ZNF550: variants seen among roughly 807,000 people sequenced by gnomAD.
ZNF550 encodes zinc finger protein 550.
A neutral mutation model predicts 40.2 loss-of-function variants in ZNF550; 42 were observed. The observed-to-expected ratio is 1.05, with a 90% CI of 0.82 to 1.35. The LOEUF (loss-of-function observed/expected upper bound fraction) is 1.35. Ranked by LOEUF, ZNF550 falls within the 40% of genes most tolerant of loss-of-function variation. ZNF550 has a pLI of 0.00. For missense variants in ZNF550, 549 were observed against 525.2 expected (o/e 1.05, Z -0.44); for synonymous variants, 223 against 198.6 (o/e 1.12, Z -1.03).
Position 57,554,394 on chromosome 19 carries a change from C to T in ZNF550, c.155-1672G>A, listed in dbSNP as rs1202492036. ...GCCTGAGGACAATCAGAAGCCTGAA[C>T]CAAGAAGAAGGAACAGAGAACCAAG... On this transcript the variant is annotated intron_variant, in intron 2 of 4. Transcript: ENST00000457177. The surrounding 1 kb of genome is among the most constrained non-coding windows in gnomAD (Gnocchi z 4.5). 1 of 152,252 alleles carries T rather than the reference C, an allele frequency of 6.6e-6. No homozygotes were observed. The highest frequency in any genetic ancestry group is 1.5e-5 in the Non-Finnish European group (1 of 68,088). The allele number at this position is 152,252 out of a possible 1,614,324, so 9.4% of individuals were successfully genotyped here.
Position 57,554,335 on chromosome 19 carries a change from A to G in ZNF550, c.155-1613T>C, listed in dbSNP as rs1226231749. 6.6e-6 allele frequency: 1 copy of G among 152,238 alleles called. No individual in the cohort carries two copies. Among genetic ancestry groups the G allele is most frequent in the Non-Finnish European group, 1.5e-5 (1 of 68,062 alleles). 9.4% of individuals were successfully genotyped at this position (152,238 alleles called of 1,614,324 possible). ...ACATGGGGGCCTGCTGCCCCAGTCA[A>G]GGCTGCAGCACCCAGCATCCCTATG... is the stretch of plus-strand genomic sequence containing the variant. On this transcript the variant is annotated intron_variant, in intron 2 of 4. Transcript: ENST00000457177. This position sits in a 1 kb window ranked among gnomAD's most constrained non-coding sequence, Gnocchi z 4.5.
chr19:57,548,468 T>G (rs1220050577), intron 3 of ZNF550, among the ~76,000 whole-genome samples: 1 of 152,200 alleles, frequency 6.6e-6, no homozygotes, highest in Admixed American at 6.5e-5. Context: ...AACAGGTATA[T>G]GAAAAACTGC....
exon 4 of ZNF550, chr19:57,547,385 A>C (rs1568596970): frequency 1.2e-6 from 2 of 1,610,530 alleles, no homozygotes; most frequent in Non-Finnish European, 1.7e-6. Context: ...CTACACTCAT[A>C]GGGTTTCTCT....
At chr19:57,557,400 C>T (rs897230354) in intron 1 of ZNF550, 6 of 152,022 alleles carry the variant, frequency 3.9e-5, no homozygotes, top group African/African-American at 1.5e-4. Context: ...CAGCACCTTT[C>T]CTTAAACTTA....
At chr19:57,547,414 T>C (rs1312823602) in exon 4 of ZNF550, 2 of 1,613,830 alleles carry the variant, frequency 1.2e-6, no homozygotes. Context: ...GATTGGATGG[T>C]GCTGCATGAG....
chr19:57,543,753 T>A, intron 4 of ZNF550: 1 of 446,452 alleles, frequency 2.2e-6, no homozygotes, highest in Non-Finnish European at 3.0e-6. Context: ...CTGGCCAACA[T>A]GGTGAAACCC....
exon 4 of ZNF550, chr19:57,547,016 G>A (rs751029825): frequency 2.0e-5 from 33 of 1,613,352 alleles, no homozygotes; most frequent in Admixed American, 3.3e-5. Flanking sequence ...TGTGACCTGC[G>A]TTTGAAGGCC....
In ZNF550 at chr19:57,556,554, G is replaced by A. The variant is rs940247503; in HGVS notation, c.28-197C>T. The A allele has an allele frequency of 1.8e-5, 10 of 554,284 alleles. No homozygotes were observed. In the Admixed American group the frequency reaches 3.1e-4, roughly 17 times the overall value. 34.3% of individuals were successfully genotyped at this position (554,284 alleles called of 1,614,324 possible). ...CAATGCAATTGTGCCTGAGAGAAAA[G>A]CCTTCTATGGGGAAGCTGTTGAAGA... On this transcript the variant is annotated intron_variant, in intron 1 of 4. Transcript: ENST00000457177.
chr19:57,559,271 G>A (rs548025814), intron 1 of ZNF550, among the ~76,000 whole-genome samples: 2 of 152,286 alleles, frequency 1.3e-5, no homozygotes, highest in African/African-American at 2.4e-5. Flanking sequence ...CCCCGGGGGG[G>A]GGAAGAGTAA....
intron 1 of ZNF550, chr19:57,556,862 CAT>C (rs1332620512): frequency 6.1e-6 from 1 of 164,106 alleles, no homozygotes; most frequent in Non-Finnish European, 1.3e-5. Flanking sequence ...CTCACAGAAA[CAT>C]GTGCTGTATT....
chr19:57,542,285 A>G (rs2089966773), exon 5 of ZNF550: 1 of 149,732 alleles, frequency 6.7e-6, no homozygotes, highest in Admixed American at 6.7e-5. Flanking sequence ...GGCAATGTAT[A>G]ACATAATTCC....
At chr19:57,542,011 A>G (rs1025429394) in exon 5 of ZNF550, 1 of 152,090 alleles carries the variant, frequency 6.6e-6, no homozygotes, top group African/African-American at 2.4e-5. Flanking sequence ...AAAGTACCCC[A>G]CCATAAACAA....
intron 4 of ZNF550, chr19:57,544,272 C>G: frequency 1.0e-6 from 1 of 985,364 alleles, no homozygotes; most frequent in East Asian, 1.1e-4. Context: ...GATCCTTGTA[C>G]CAAACACTTC....
chr19:57,544,605 A>C, intron 4 of ZNF550: 1 of 985,254 alleles, frequency 1.0e-6, no homozygotes, highest in Non-Finnish European at 1.2e-6. Flanking sequence ...AAAACAGAGA[A>C]CTCTTAACTC....
intron 4 of ZNF550, chr19:57,543,395 C>T (rs934364111): frequency 2.8e-5 from 7 of 245,838 alleles, no homozygotes; most frequent in African/African-American, 1.6e-4. Flanking sequence ...TCCTTCCAGA[C>T]ACATTTTTTG....
intron 3 of ZNF550, among the ~76,000 whole-genome samples, chr19:57,549,849 AG>A (rs1296473946): frequency 1.3e-5 from 2 of 152,178 alleles, no homozygotes; most frequent in African/African-American, 4.8e-5. Flanking sequence ...GGCAGACAAG[AG>A]GGTACTGGAG....
chr19:57,546,759 T>C, exon 4 of ZNF550: 1 of 1,338,658 alleles, frequency 7.5e-7, no homozygotes, highest in African/African-American at 1.5e-5. Context: ...AACTGAGTGG[T>C]GACTGAAGGG....
exon 1 of ZNF550, chr19:57,559,709 TG>T: frequency 1.4e-6 from 2 of 1,472,836 alleles, no homozygotes; most frequent in Admixed American, 2.1e-5. Context: ...CGAGGCCGCG[TG>T]GGGCAGCTCC....
chr19:57,547,015 C>T (rs1365298821), exon 4 of ZNF550: 6 of 1,613,292 alleles, frequency 3.7e-6, no homozygotes, highest in Non-Finnish European at 4.2e-6. Context: ...GTGTGACCTG[C>T]GTTTGAAGGC....
Sources: allele counts gnomAD v4.1 joint callset (sites outside exome capture counted in the v4.1 genomes callset), GRCh38; gene constraint gnomAD v4.1.1; non-coding constraint Gnocchi (gnomAD v3.1); transcripts MANE v1.5; gene names NCBI Gene and HGNC (gene_info 2026-07-23, HGNC 2026-07-21).